DPYD: variants seen among roughly 807,000 people sequenced by gnomAD.
The protein encoded by DPYD is dihydropyrimidine dehydrogenase [NADP(+)].
DPYD carries 109 observed loss-of-function variants against 116.2 expected under a neutral mutation model. The ratio of observed to expected loss-of-function variants is 0.94; its 90% CI spans 0.80 to 1.10. The LOEUF is 1.10. Among genes scored for constraint, DPYD ranks in the 50% least tolerant of loss-of-function variants. DPYD has a pLI of 0.00. For synonymous variants in DPYD, 440 were observed against 432.0 expected (o/e 1.02, Z -0.23); for missense variants, 1,302 against 1,254.5 (o/e 1.04, Z -0.57).
At chr1:97,305,525 T>C (rs1252860846) in intron 17 of DPYD, 147 bp from the exon 18 acceptor site, 2 of 1,057,846 alleles carry the variant, frequency 1.9e-6, no homozygotes, top group African/African-American at 1.6e-5. Flanking sequence ...ATTTAACTCC[T>C]ACATTTATGT....
intron 19 of DPYD, among the ~76,000 whole-genome samples, chr1:97,230,458 G>A (rs1424278483): frequency 6.6e-6 from 1 of 152,096 alleles, no homozygotes; most frequent in African/African-American, 2.4e-5. Flanking sequence ...ACATAGAGGG[G>A]AATGACACAC....
At chr1:97,688,552 A>T (rs565319259) in intron 7 of DPYD, among the ~76,000 whole-genome samples, 2 of 152,248 alleles carry the variant, frequency 1.3e-5, no homozygotes, top group South Asian at 4.1e-4. Flanking sequence ...TTAGTAAAAA[A>T]GATGTCTCAA....
chr1:97,158,964 C>T (rs113796719), intron 20 of DPYD, among the ~76,000 whole-genome samples: 3,264 of 152,142 alleles, frequency 0.021, 124 homozygotes, highest in African/African-American at 0.074. Flanking sequence ...AAACAAAAAT[C>T]GGGACTCTTA....
intron 16 of DPYD, chr1:97,322,938 C>G (rs1160984877): frequency 6.6e-6 from 1 of 151,812 alleles, no homozygotes; most frequent in Non-Finnish European, 1.5e-5. Flanking sequence ...GGATTAAAAA[C>G]TCTGCAATAC....
chr1:97,865,349 C>A (rs1477316677), intron 2 of DPYD, among the ~76,000 whole-genome samples: 2 of 151,764 alleles, frequency 1.3e-5, no homozygotes, highest in African/African-American at 4.8e-5. Context: ...GATAATATTT[C>A]TGAAAATATG....
chr1:97,131,230 A>G (rs560656585), intron 20 of DPYD, among the ~76,000 whole-genome samples: 1 of 152,254 alleles, frequency 6.6e-6, no homozygotes, highest in East Asian at 1.9e-4. Flanking sequence ...AAAGTTGAGC[A>G]CAACAATATG....
At chr1:97,639,066 T>C (rs1396299494) in intron 8 of DPYD, among the ~76,000 whole-genome samples, 2 of 152,116 alleles carry the variant, frequency 1.3e-5, no homozygotes, top group African/African-American at 4.8e-5. Context: ...AGCAGTGTAG[T>C]AAGGCAAATC....
chr1:97,406,084 T>C (rs903979635), intron 14 of DPYD, among the ~76,000 whole-genome samples: 15 of 152,086 alleles, frequency 9.9e-5, no homozygotes, highest in Non-Finnish European at 4.4e-5. Context: ...CAGAAATTCA[T>C]CAATTATAGT....
At chr1:97,200,646 T>C (rs1262009247) in intron 19 of DPYD, among the ~76,000 whole-genome samples, 1 of 152,228 alleles carries the variant, frequency 6.6e-6, no homozygotes, top group Non-Finnish European at 1.5e-5. Context: ...TAGCACTTTA[T>C]AGTTTTCAAA....
At chr1:97,427,469 C>A (rs536410559) in intron 14 of DPYD, among the ~76,000 whole-genome samples, 1 of 151,974 alleles carries the variant, frequency 6.6e-6, no homozygotes, top group Admixed American at 6.6e-5. Context: ...GAAAACATAA[C>A]CCCAATCCTT....
chr1:97,849,874 G>C (rs1670488546), intron 2 of DPYD, among the ~76,000 whole-genome samples: 1 of 152,128 alleles, frequency 6.6e-6, no homozygotes. Context: ...GAAGACATGA[G>C]TGTCTTCTAA....
chr1:97,138,733 A>G (rs915480554), intron 20 of DPYD, among the ~76,000 whole-genome samples: 2 of 152,198 alleles, frequency 1.3e-5, no homozygotes, highest in Non-Finnish European at 2.9e-5. Flanking sequence ...AATTCATGTT[A>G]GTCTAGAAGC....
At chr1:97,177,722 T>C (rs1657390333) in intron 20 of DPYD, among the ~76,000 whole-genome samples, 1 of 152,154 alleles carries the variant, frequency 6.6e-6, no homozygotes, top group Non-Finnish European at 1.5e-5. Context: ...GTTCCACAGT[T>C]GGAGGAGGCC....
chr1:97,652,559 G>T (rs1056900192), intron 8 of DPYD, among the ~76,000 whole-genome samples: 1 of 152,072 alleles, frequency 6.6e-6, no homozygotes, highest in Admixed American at 6.6e-5. Context: ...TCCAGAAAAA[G>T]ATCTGAAGAA....
chr1:97,690,092 C>A (rs1229896136), intron 7 of DPYD, among the ~76,000 whole-genome samples: 1 of 151,984 alleles, frequency 6.6e-6, no homozygotes, highest in Non-Finnish European at 1.5e-5. Flanking sequence ...CTATCAGATT[C>A]TTATATCTTT....
chr1:97,694,501 C>A (rs1418646318), intron 6 of DPYD, among the ~76,000 whole-genome samples: 1 of 152,150 alleles, frequency 6.6e-6, no homozygotes, highest in East Asian at 1.9e-4. Flanking sequence ...ATGGCTTCCA[C>A]ATTTTTCTTC....
chr1:97,660,847 C>A (rs1215137406), intron 8 of DPYD, among the ~76,000 whole-genome samples: 2 of 152,096 alleles, frequency 1.3e-5, no homozygotes, highest in African/African-American at 4.8e-5. Flanking sequence ...CTATGTTCTT[C>A]TTTTCTGGTC....
At chr1:97,501,989 C>A (rs140158678) in intron 13 of DPYD, among the ~76,000 whole-genome samples, 1 of 151,980 alleles carries the variant, frequency 6.6e-6, no homozygotes, top group Non-Finnish European at 1.5e-5. Context: ...CAATTTCTGA[C>A]CTATATAAAA....
At chr1:97,874,346 TATC>T (rs1003771454) in intron 2 of DPYD, among the ~76,000 whole-genome samples, 2 of 151,958 alleles carry the variant, frequency 1.3e-5, no homozygotes, top group Non-Finnish European at 2.9e-5. Flanking sequence ...ACATTAAACA[TATC>T]ATAAATTCAT....
Sources: allele counts gnomAD v4.1 joint callset (sites outside exome capture counted in the v4.1 genomes callset), GRCh38; gene constraint gnomAD v4.1.1; transcripts MANE v1.5; gene names NCBI Gene and HGNC (gene_info 2026-07-23, HGNC 2026-07-21).